Variants in NDUFA9 observed in about 807,000 individuals in gnomAD.
NDUFA9 encodes the protein NADH:ubiquinone oxidoreductase subunit A9, also known as NADH dehydrogenase [ubiquinone] 1 alpha subcomplex subunit 9, mitochondrial.
NDUFA9 carries 23 observed loss-of-function variants against 45.9 expected under a neutral mutation model. That is an observed-to-expected ratio of 0.50 (90% CI 0.36 to 0.71). The LOEUF is 0.71. Among genes scored for constraint, NDUFA9 ranks in the 30% least tolerant of loss-of-function variants. The probability of loss-of-function intolerance (pLI) is 0.00; values close to 1 mark genes in which losing one functional copy is unlikely to be tolerated. For missense variants in NDUFA9, 466 were observed against 488.2 expected (o/e 0.95, Z 0.43); for synonymous variants, 176 against 170.5 (o/e 1.03, Z -0.25).
chr12:4,683,049 A>C (rs1472880178), intron 9 of NDUFA9, among the ~76,000 whole-genome samples: 3 of 152,084 alleles, frequency 2.0e-5, no homozygotes, highest in Non-Finnish European at 4.4e-5. Context: ...ACTCCAGCCT[A>C]GGTGACTGCT....
intron 8 of NDUFA9, among the ~76,000 whole-genome samples, chr12:4,673,831 C>T (rs1040794194): frequency 6.6e-4 from 101 of 152,134 alleles, no homozygotes; most frequent in African/African-American, 2.3e-3. Flanking sequence ...CACAAAGATA[C>T]TCCTCGAGAA....
intron 6 of NDUFA9, chr12:4,667,521 T>C: frequency 4.0e-6 from 1 of 246,988 alleles, no homozygotes; most frequent in Non-Finnish European, 8.2e-6. Context: ...TCTTTTTTTT[T>C]TTTTTTTTGA....
At chr12:4,671,135 G>T (rs1410756355) in intron 8 of NDUFA9, among the ~76,000 whole-genome samples, 2 of 152,072 alleles carry the variant, frequency 1.3e-5, no homozygotes, top group African/African-American at 4.8e-5. Context: ...CTGATATTTT[G>T]AGGCTAAGGC....
intron 9 of NDUFA9, among the ~76,000 whole-genome samples, chr12:4,683,524 CAG>C (rs1487697343): frequency 1.3e-5 from 2 of 152,314 alleles, no homozygotes; most frequent in East Asian, 3.9e-4. Context: ...TATGGTCTAA[CAG>C]GGGTACCAGA....
chr12:4,649,321 T>G, intron 1 of NDUFA9, 146 bp downstream of exon 1: 1 of 926,808 alleles, frequency 1.1e-6, no homozygotes, highest in Non-Finnish European at 1.6e-6. Flanking sequence ...TCAGTCTGGT[T>G]TCTCCTTTCG....
At chr12:4,686,833 C>G (rs960751591) in intron 10 of NDUFA9, 105 bp from the exon 11 acceptor site, 5 of 1,084,994 alleles carry the variant, frequency 4.6e-6, no homozygotes, top group Non-Finnish European at 6.5e-6. Context: ...AATTAAGTCT[C>G]AATAATAGGA....
At chr12:4,668,710 G>GA in intron 7 of NDUFA9, 186 bp downstream of exon 7, 1 of 597,064 alleles carries the variant, frequency 1.7e-6, no homozygotes, top group South Asian at 2.0e-5. Context: ...GTTCATTTAA[G>GA]AAAAAGTTAT....
chr12:4,688,103 T>A lies in NDUFA9; in HGVS notation c.*995T>A, dbSNP rs1945998573. On this transcript the variant is annotated 3_prime_UTR_variant, in exon 11 of 11. Transcript: ENST00000266544. ...CCTTTCTGCCTGCATCAGAATCTTTTTATCCCAAAACGGTCAACAGTGAGC... is the reference window on the plus strand; with the variant it reads ...CCTTTCTGCCTGCATCAGAATCTTTATATCCCAAAACGGTCAACAGTGAGC... The A allele has an allele frequency of 6.6e-6, 1 of 152,236 alleles. No individual in the cohort carries two copies. Among genetic ancestry groups the A allele is most frequent in the Non-Finnish European group, 1.5e-5 (1 of 68,082 alleles). 9.4% of individuals were successfully genotyped at this position (152,236 alleles called of 1,614,324 possible).
intron 9 of NDUFA9, among the ~76,000 whole-genome samples, chr12:4,683,309 A>G (rs992105251): frequency 5.9e-5 from 9 of 152,172 alleles, no homozygotes; most frequent in African/African-American, 1.9e-4. Context: ...TGAACTTACC[A>G]TGTCACACCC....
chr12:4,670,404 T>C (rs1945879268), intron 8 of NDUFA9, among the ~76,000 whole-genome samples: 1 of 152,212 alleles, frequency 6.6e-6, no homozygotes, highest in Non-Finnish European at 1.5e-5. Context: ...TAAGACTTCA[T>C]TTGCCAAGTT....
intron 1 of NDUFA9, among the ~76,000 whole-genome samples, chr12:4,650,900 G>A (rs1336141696): frequency 6.6e-6 from 1 of 152,110 alleles, no homozygotes; most frequent in African/African-American, 2.4e-5. Context: ...GTGTTAGATG[G>A]GATCAGACAA....
At chr12:4,681,153 C>A (rs1452658301) in intron 8 of NDUFA9, among the ~76,000 whole-genome samples, 2 of 151,824 alleles carry the variant, frequency 1.3e-5, no homozygotes, top group East Asian at 1.9e-4. Flanking sequence ...AAAAAAAAAT[C>A]TTTTTTATAA....
intron 1 of NDUFA9, among the ~76,000 whole-genome samples, chr12:4,654,083 C>T (rs181685901): frequency 3.3e-5 from 5 of 152,192 alleles, no homozygotes; most frequent in Admixed American, 3.3e-4. Flanking sequence ...AGGTAAGTTA[C>T]ATTGTATAGG....
intron 1 of NDUFA9, among the ~76,000 whole-genome samples, chr12:4,653,067 C>T (rs1245211621): frequency 6.6e-6 from 1 of 152,228 alleles, no homozygotes; most frequent in East Asian, 1.9e-4. Context: ...AGCAGAAGTG[C>T]GTTAGCACTT....
intron 8 of NDUFA9, among the ~76,000 whole-genome samples, chr12:4,678,085 T>C (rs1044193491): frequency 4.0e-5 from 6 of 150,920 alleles, no homozygotes; most frequent in African/African-American, 1.5e-4. Flanking sequence ...TAAGTGGGAG[T>C]TGAACACATG....
intron 4 of NDUFA9, among the ~76,000 whole-genome samples, chr12:4,658,668 G>T (rs917517560): frequency 6.6e-6 from 1 of 152,282 alleles, no homozygotes; most frequent in Non-Finnish European, 1.5e-5. Context: ...CTAACTTAAA[G>T]TAGTCCTTAA....
At chr12:4,670,788 A>G (rs890160246) in intron 8 of NDUFA9, among the ~76,000 whole-genome samples, 26 of 152,228 alleles carry the variant, frequency 1.7e-4, no homozygotes, top group African/African-American at 5.8e-4. Context: ...AAGAATTACA[A>G]TTCAATATAT....
rs149534005 is a variant in NDUFA9 at position 4,662,652 on chromosome 12, A to G, written c.655+17A>G. 583 of 1,589,738 alleles carry G rather than the reference A, an allele frequency of 3.7e-4. 1 individual carries two copies. The African/African-American group carries it at 6.9e-3, about 19-fold the overall frequency. ...CTTTTGCAAGTACGTATTCTTTCTT[A>G]ATGGTAGAAGAGAGGGATACTGATT... On this transcript the variant is annotated intron_variant, in intron 6 of 10. Coordinates refer to ENST00000266544, the MANE Select transcript of NDUFA9 (RefSeq NM_005002.5).
intron 9 of NDUFA9, among the ~76,000 whole-genome samples, chr12:4,684,127 A>G (rs1945969815): frequency 6.6e-6 from 1 of 152,176 alleles, no homozygotes; most frequent in Non-Finnish European, 1.5e-5. Context: ...GGGCACAGAG[A>G]GTTAGAGGTT....
Sources: allele counts gnomAD v4.1 joint callset (sites outside exome capture counted in the v4.1 genomes callset), GRCh38; gene constraint gnomAD v4.1.1; transcripts MANE v1.5; gene names NCBI Gene and HGNC (gene_info 2026-07-23, HGNC 2026-07-21).